The following PIK3CB variants were observed in gnomAD, a reference collection of about 807,000 sequenced individuals.
The protein encoded by PIK3CB is phosphatidylinositol-4,5-bisphosphate 3-kinase catalytic subunit beta.
PIK3CB carries 39 observed loss-of-function variants against 136.8 expected under a neutral mutation model. That is an observed-to-expected ratio of 0.29 (90% CI 0.22 to 0.37). The LOEUF (loss-of-function observed/expected upper bound fraction) is 0.37, where lower values mean the gene tolerates loss of function less well. Ranked by LOEUF, PIK3CB falls within the 10% of genes least tolerant of loss-of-function variation. The probability of loss-of-function intolerance (pLI) is 1.00; values close to 1 mark genes in which losing one functional copy is unlikely to be tolerated. For synonymous variants in PIK3CB, 428 were observed against 436.6 expected, an observed-to-expected ratio of 0.98 and a Z score of 0.25; for missense variants, 868 against 1,275.4, an observed-to-expected ratio of 0.68 and a Z score of 4.87.
At chr3:138,801,636 C>T (rs529659510) in intron 1 of PIK3CB, among the ~76,000 whole-genome samples, 3 of 151,720 alleles carry the variant, frequency 2.0e-5, no homozygotes, top group Non-Finnish European at 2.9e-5. Context: ...TTTGGGAGGC[C>T]GAGGCAGGTG....
chr3:138,721,928 T>C (rs1194259391), intron 8 of PIK3CB, among the ~76,000 whole-genome samples: 1 of 152,206 alleles, frequency 6.6e-6, no homozygotes, highest in Admixed American at 6.5e-5. Context: ...ATTTACAGTA[T>C]TGAAATATGC....
intron 2 of PIK3CB, among the ~76,000 whole-genome samples, chr3:138,791,001 C>T (rs1245677707): frequency 6.6e-6 from 1 of 151,970 alleles, no homozygotes; most frequent in African/African-American, 2.4e-5. Flanking sequence ...GCCAAATAAA[C>T]TTGTCCATTA....
intron 12 of PIK3CB, among the ~76,000 whole-genome samples, chr3:138,701,784 C>CAAAAAAA (rs560982900): frequency 5.5e-5 from 3 of 54,868 alleles, no homozygotes; most frequent in African/African-American, 1.7e-4. Context: ...GACTCTGTCT[C>CAAAAAAA]AAAAAAAAAA....
chr3:138,828,204 GA>G (rs1933868728), intron 1 of PIK3CB, among the ~76,000 whole-genome samples: 1 of 32,716 alleles, frequency 3.1e-5, no homozygotes, highest in Non-Finnish European at 6.1e-5. Flanking sequence ...TTTTTTTTTT[GA>G]GATGGAGTCT....
chr3:138,663,571 G>A (rs1246746515), intron 21 of PIK3CB, among the ~76,000 whole-genome samples: 5 of 151,908 alleles, frequency 3.3e-5, no homozygotes, highest in Non-Finnish European at 5.9e-5. Context: ...TAGTAGAGAC[G>A]GGGTTTCGCC....
intron 11 of PIK3CB, among the ~76,000 whole-genome samples, chr3:138,706,298 A>G (rs1260398884): frequency 6.6e-6 from 1 of 152,346 alleles, no homozygotes; most frequent in African/African-American, 2.4e-5. Context: ...CAGCTCTCTT[A>G]GCATGTAAAT....
At chr3:138,821,384 C>T (rs1293361928) in intron 1 of PIK3CB, among the ~76,000 whole-genome samples, 1 of 152,070 alleles carries the variant, frequency 6.6e-6, no homozygotes, top group African/African-American at 2.4e-5. Context: ...GCGGGTGGCT[C>T]ACCTGAGGTC....
In PIK3CB at chr3:138,763,388, C is replaced by T. The variant is rs188969190; in HGVS notation, c.-16-4029G>A. ...TCCTGACCTCATGATCCACCCGCCTCGGCCTCCCAAAGTGCTGGGATTACA... is the reference window on the plus strand; with the variant it reads ...TCCTGACCTCATGATCCACCCGCCTTGGCCTCCCAAAGTGCTGGGATTACA... On this transcript the variant is annotated intron_variant, in intron 2 of 23. Transcript: ENST00000674063. 8.0e-3 allele frequency among the ~76,000 whole-genome samples: 1,212 copies of T among 152,206 alleles called. 9 individuals carry two copies. The highest frequency in any genetic ancestry group is 0.012 in the Non-Finnish European group (820 of 68,000).
At chr3:138,790,494 T>C (rs2046035588) in intron 2 of PIK3CB, among the ~76,000 whole-genome samples, 3 of 151,052 alleles carry the variant, frequency 2.0e-5, no homozygotes, top group Admixed American at 2.0e-4. Context: ...ATTGTGTGTA[T>C]TTCACCAATT....
At chr3:138,789,869 T>C (rs1483075473) in intron 2 of PIK3CB, among the ~76,000 whole-genome samples, 1 of 152,090 alleles carries the variant, frequency 6.6e-6, no homozygotes, top group Admixed American at 6.6e-5. Flanking sequence ...TTTCATATTT[T>C]TAGTAGAGAC....
chr3:138,671,463 A>C (rs1161241538), intron 19 of PIK3CB, among the ~76,000 whole-genome samples: 2 of 152,356 alleles, frequency 1.3e-5, no homozygotes, highest in East Asian at 3.9e-4. Flanking sequence ...CATTAAAAAA[A>C]TGATGAAGTC....
intron 5 of PIK3CB, among the ~76,000 whole-genome samples, chr3:138,739,718 C>A (rs539446181): frequency 6.7e-6 from 1 of 149,948 alleles, no homozygotes; most frequent in Non-Finnish European, 1.5e-5. Context: ...CTGGCAAACA[C>A]GGTGAAACCC....
chr3:138,834,010 G>GCAA (rs976898360), intron 1 of PIK3CB, among the ~76,000 whole-genome samples: 8 of 152,174 alleles, frequency 5.3e-5, no homozygotes, highest in Non-Finnish European at 1.2e-4. Context: ...ATCGGTTACT[G>GCAA]CAACACCAGA....
At chr3:138,711,579 CAAAAAAAAAAAA>C (rs139989947) in intron 10 of PIK3CB, among the ~76,000 whole-genome samples, 3 of 67,548 alleles carry the variant, frequency 4.4e-5, no homozygotes, top group African/African-American at 6.2e-5. Context: ...AACTCCGTCG[CAAAAAAAAAAAA>C]AAAAAAAAAA....
At chr3:138,705,198 A>AAAAAAAAAAAAAAAC (rs1559828847) in intron 11 of PIK3CB, among the ~76,000 whole-genome samples, 1 of 144,076 alleles carries the variant, frequency 6.9e-6, no homozygotes, top group Non-Finnish European at 1.5e-5. Context: ...AACAAAAAAA[A>AAAAAAAAAAAAAAAC]AAACTTATAT....
At chr3:138,713,484 A>C (rs1195477328) in intron 9 of PIK3CB, among the ~76,000 whole-genome samples, 1 of 152,068 alleles carries the variant, frequency 6.6e-6, no homozygotes, top group Non-Finnish European at 1.5e-5. Context: ...AGCCTGGCCA[A>C]CATGGTGAAA....
At chr3:138,790,557 C>T (rs1413535487) in intron 2 of PIK3CB, among the ~76,000 whole-genome samples, 2 of 149,618 alleles carry the variant, frequency 1.3e-5, no homozygotes, top group Admixed American at 6.7e-5. Context: ...GGAAGCCCAG[C>T]ATTTTGGGAG....
At chr3:138,655,555 T>A (rs946324552) in intron 23 of PIK3CB, 29 bp from the exon 24 acceptor site, 7 of 1,573,864 alleles carry the variant, frequency 4.4e-6, no homozygotes, top group Non-Finnish European at 6.1e-6. Context: ...AATATGATTT[T>A]ATATAACTTT....
intron 1 of PIK3CB, among the ~76,000 whole-genome samples, chr3:138,818,608 G>GC (rs1933431372): frequency 6.6e-6 from 1 of 151,896 alleles, no homozygotes; most frequent in Non-Finnish European, 1.5e-5. Flanking sequence ...TCTCTTTTTG[G>GC]CTCATCTTAC....
Sources: gnomAD v4.1 joint callset for allele counts (sites outside exome capture counted in the v4.1 genomes callset) on GRCh38, gnomAD v4.1.1 for gene constraint, MANE v1.5 for transcripts, NCBI Gene and HGNC (gene_info 2026-07-23, HGNC 2026-07-21) for gene names.